The following SUGCT variants were observed in gnomAD, a reference collection of about 807,000 sequenced individuals.
SUGCT encodes succinyl-CoA:glutarate CoA-transferase.
A neutral mutation model predicts 55.0 loss-of-function variants in SUGCT; 41 were observed. The observed-to-expected ratio is 0.74, with a 90% confidence interval of 0.58 to 0.97. The LOEUF is 0.97. Ranked by LOEUF, SUGCT falls within the 50% of genes least tolerant of loss-of-function variation. SUGCT has a pLI of 0.00. For missense variants in SUGCT, 568 were observed against 547.8 expected (o/e 1.04, Z -0.37); for synonymous variants, 187 against 200.4 (o/e 0.93, Z 0.56).
the SUGCT span, among the ~76,000 whole-genome samples, chr7:40,997,196 A>T: frequency 5.3e-5 from 8 of 152,310 alleles, no homozygotes; most frequent in Non-Finnish European, 1.0e-4. Context: ...ATGGTTTCTT[A>T]TTCAGAATCT....
chr7:40,949,290 G>T, the SUGCT span, among the ~76,000 whole-genome samples: 146 of 152,070 alleles, frequency 9.6e-4, no homozygotes, highest in African/African-American at 3.3e-3. Flanking sequence ...TTGCCCACTT[G>T]TTGATGGGGT....
chr7:40,679,614 G>T (rs1784152452), intron 12 of SUGCT, among the ~76,000 whole-genome samples: 2 of 152,128 alleles, frequency 1.3e-5, no homozygotes, highest in African/African-American at 4.8e-5. Context: ...CTGGCTGGAT[G>T]CAGAGAATAC....
chr7:40,344,368 A>G (rs973864086), intron 9 of SUGCT, among the ~76,000 whole-genome samples: 2 of 152,124 alleles, frequency 1.3e-5, no homozygotes, highest in African/African-American at 4.8e-5. Context: ...CATTTTCGAT[A>G]TTGCAGGGGT....
At chr7:40,751,418 A>G (rs1018814265) in intron 13 of SUGCT, among the ~76,000 whole-genome samples, 1 of 152,150 alleles carries the variant, frequency 6.6e-6, no homozygotes, top group Admixed American at 6.5e-5. Flanking sequence ...AGTTTAGGTG[A>G]TAGTGTCTTA....
intron 6 of SUGCT, among the ~76,000 whole-genome samples, chr7:40,197,710 A>G (rs1377939153): frequency 5.3e-5 from 8 of 152,234 alleles, no homozygotes; most frequent in African/African-American, 1.9e-4. Flanking sequence ...GGCCAAGTCC[A>G]ATACCAATGG....
intron 13 of SUGCT, among the ~76,000 whole-genome samples, chr7:40,821,826 C>G (rs1792035522): frequency 6.6e-6 from 1 of 152,058 alleles, no homozygotes; most frequent in Non-Finnish European, 1.5e-5. Context: ...TGTGTTTGCT[C>G]TTGCTTCTCT....
At chr7:40,582,396 G>A (rs1035613599) in intron 12 of SUGCT, among the ~76,000 whole-genome samples, 3 of 152,072 alleles carry the variant, frequency 2.0e-5, no homozygotes, top group African/African-American at 7.2e-5. Context: ...TTATTTCACA[G>A]GCAGAACTGA....
chr7:40,928,842 G>A, the SUGCT span, among the ~76,000 whole-genome samples: 8 of 152,026 alleles, frequency 5.3e-5, no homozygotes, highest in East Asian at 5.8e-4. Flanking sequence ...CTTGTGCTCC[G>A]CCCACCTTGG....
chr7:40,617,215 A>T (rs1562903109), intron 12 of SUGCT, among the ~76,000 whole-genome samples: 1 of 152,226 alleles, frequency 6.6e-6, no homozygotes, highest in Non-Finnish European at 1.5e-5. Flanking sequence ...TGTCTAGCTG[A>T]AAACCTTTGT....
At chr7:40,585,367 T>C (rs2151720440) in intron 12 of SUGCT, among the ~76,000 whole-genome samples, 1 of 152,310 alleles carries the variant, frequency 6.6e-6, no homozygotes. Flanking sequence ...GTCGTCTTTG[T>C]TTTGCCTTCT....
At chr7:40,318,917 C>G (rs1197128735) in intron 9 of SUGCT, among the ~76,000 whole-genome samples, 2 of 152,214 alleles carry the variant, frequency 1.3e-5, no homozygotes, top group Admixed American at 6.5e-5. Context: ...TAGACCTCAG[C>G]TATTCCTTCT....
intron 11 of SUGCT, among the ~76,000 whole-genome samples, chr7:40,465,483 G>A (rs958226250): frequency 2.0e-5 from 3 of 151,986 alleles, no homozygotes; most frequent in East Asian, 1.9e-4. Flanking sequence ...GGTGGCACAC[G>A]CCTGTAATCC....
At chr7:40,631,350 T>A (rs190342914) in intron 12 of SUGCT, among the ~76,000 whole-genome samples, 88 of 152,350 alleles carry the variant, frequency 5.8e-4, no homozygotes, top group African/African-American at 2.0e-3. Flanking sequence ...GTTATAAGTT[T>A]TGGATATAAA....
rs141181517 is a variant in SUGCT at position 40,515,376 on chromosome 7, G to A, written c.1089+18990G>A. 1.4e-3 allele frequency among the ~76,000 whole-genome samples: 216 copies of A among 152,136 alleles called. 1 individual carries two copies. Among genetic ancestry groups the A allele is most frequent in the African/African-American group, 4.9e-3 (202 of 41,504 alleles). ...CTTTTTATTAAAGTAGATAATCCAC[G>A]GATTTTAGCACATTCACAGAATTGT... On this transcript the variant is annotated intron_variant, in intron 12 of 13. Coordinates refer to ENST00000335693, the MANE Select transcript of SUGCT (RefSeq NM_001193313.2).
intron 12 of SUGCT, among the ~76,000 whole-genome samples, chr7:40,668,930 AC>A (rs929360990): frequency 1.3e-5 from 2 of 152,046 alleles, no homozygotes; most frequent in African/African-American, 4.8e-5. Flanking sequence ...AGACACTCCA[AC>A]CCCCCTGACA....
In SUGCT at chr7:40,205,640, CAAAAAAAA is replaced by C. The variant is rs67396482; in HGVS notation, c.484+10595_484+10602del. Among the ~76,000 whole-genome samples, 180 of 77,470 alleles carry C rather than the reference CAAAAAAAA, an allele frequency of 2.3e-3. 1 individual carries two copies. Among genetic ancestry groups the C allele is most frequent in the African/African-American group, 8.5e-3 (176 of 20,768 alleles). 50.8% of individuals were successfully genotyped at this position (77,470 alleles called of 152,430 possible). A position where few individuals can be genotyped will look rare whatever the true frequency, so the allele number is the denominator to read the frequency against. ...TGGGTGACAGAGCAAAACTTCATCTCAAAAAAAAAAAAAAAAAAAAAAGAAAAGTGACA... is the reference window on the plus strand; with the variant it reads ...TGGGTGACAGAGCAAAACTTCATCTCAAAAAAAAAAAAAAGAAAAGTGACA... On this transcript the variant is annotated intron_variant, in intron 6 of 13. Transcript: ENST00000335693.
intron 9 of SUGCT, among the ~76,000 whole-genome samples, chr7:40,448,947 TGTG>T: frequency 6.8e-6 from 1 of 147,654 alleles, no homozygotes; most frequent in African/African-American, 2.6e-5. Context: ...TGTGTGTGTG[TGTG>T]TATATATATA....
the SUGCT span, among the ~76,000 whole-genome samples, chr7:40,880,595 C>T: frequency 6.6e-6 from 1 of 152,078 alleles, no homozygotes. Context: ...GATCAAAATG[C>T]CATGTTGAAT....
At chr7:40,628,727 CTGTG>C (rs111460243) in intron 12 of SUGCT, among the ~76,000 whole-genome samples, 19,989 of 147,498 alleles carry the variant, frequency 0.14, 1,633 homozygotes, top group East Asian at 0.34. Flanking sequence ...GTGTTTTGTT[CTGTG>C]TGTGTGTGTG....
Sources: gnomAD v4.1 joint callset for allele counts (sites outside exome capture counted in the v4.1 genomes callset) on GRCh38, gnomAD v4.1.1 for gene constraint, MANE v1.5 for transcripts, NCBI Gene and HGNC (gene_info 2026-07-23, HGNC 2026-07-21) for gene names.